The following SNTB1 variants were observed in gnomAD, a reference collection of about 807,000 sequenced individuals.
The protein encoded by SNTB1 is syntrophin beta 1, also known as beta-1-syntrophin.
Under a neutral mutation model 48.9 loss-of-function variants are expected in SNTB1, and 36 were observed. The ratio of observed to expected loss-of-function variants is 0.74; its 90% confidence interval spans 0.56 to 0.97. The LOEUF is 0.97. Ranked by LOEUF, SNTB1 falls within the 50% of genes least tolerant of loss-of-function variation. The probability of loss-of-function intolerance (pLI) is 0.00; values close to 1 mark genes in which losing one functional copy is unlikely to be tolerated. For missense variants in SNTB1, 786 were observed against 703.4 expected (o/e 1.12, Z -1.33); for synonymous variants, 299 against 294.6 (o/e 1.01, Z -0.15).
At chr8:120,677,986 G>T (rs1382941625) in intron 2 of SNTB1, among the ~76,000 whole-genome samples, 1 of 152,096 alleles carries the variant, frequency 6.6e-6, no homozygotes, top group Non-Finnish European at 1.5e-5. Context: ...CCGATTGTCT[G>T]AATGTTTAAT....
intron 2 of SNTB1, among the ~76,000 whole-genome samples, chr8:120,670,628 T>C (rs1325762920): frequency 6.6e-6 from 1 of 152,212 alleles, no homozygotes; most frequent in East Asian, 1.9e-4. Flanking sequence ...GCAAATATTA[T>C]AGCTTTGTAA....
chr8:120,759,129 C>T (rs1357932423), intron 1 of SNTB1, among the ~76,000 whole-genome samples: 6 of 152,106 alleles, frequency 3.9e-5, no homozygotes, highest in African/African-American at 1.4e-4. Flanking sequence ...TTAATAACAA[C>T]AAGGACTGAA....
At chr8:120,695,060 G>A (rs963187340) in intron 1 of SNTB1, among the ~76,000 whole-genome samples, 3 of 152,076 alleles carry the variant, frequency 2.0e-5, no homozygotes, top group Non-Finnish European at 2.9e-5. Flanking sequence ...GGTTAACAGG[G>A]CAACGAGATT....
In SNTB1 at chr8:120,632,578, C is replaced by A. The variant is rs1817002747; in HGVS notation, c.862G>T (p.Ala288Ser). The change falls in exon 3 of 7, where the codon GCA (alanine) becomes TCA (serine). Residue 288 changes from alanine to serine, a missense_variant. Transcript: ENST00000517992. ...TTGGAATGGATGGCACTGAACCATG[C>A]CTGGGCCGTGGCTGAGTCCTTGCTC... ...LRSKDSATAQ[A>S]WFSAIHSNVN... 4.3e-6 allele frequency: 7 copies of A among 1,614,114 alleles called. No individual in the cohort carries two copies. Among genetic ancestry groups the A allele is most frequent in the Non-Finnish European group, 5.9e-6 (7 of 1,180,016 alleles).
intron 3 of SNTB1, among the ~76,000 whole-genome samples, chr8:120,588,622 A>G (rs943424569): frequency 1.3e-5 from 2 of 152,046 alleles, no homozygotes; most frequent in Non-Finnish European, 2.9e-5. Context: ...TTTGCAACTC[A>G]GCTTAGTTAT....
chr8:120,647,012 T>G lies in SNTB1; in HGVS notation c.789-14361A>C, dbSNP rs1305736900. 2.6e-5 allele frequency among the ~76,000 whole-genome samples: 4 copies of G among 151,424 alleles called. No individual in the cohort carries two copies. In the East Asian group the frequency reaches 7.7e-4, roughly 29 times the overall value. On this transcript the variant is annotated intron_variant, in intron 2 of 6. Transcript: ENST00000517992. Reference sequence around the variant, plus strand: ...TATTTCTGTGGGATCGATGGTGATATCCCCTTTATCATTTTTTATTGCGTC... The same window carrying G: ...TATTTCTGTGGGATCGATGGTGATAGCCCCTTTATCATTTTTTATTGCGTC...
chr8:120,629,078 G>A (rs886574341), intron 3 of SNTB1, among the ~76,000 whole-genome samples: 2 of 152,166 alleles, frequency 1.3e-5, no homozygotes, highest in African/African-American at 4.8e-5. Context: ...CTTCACTTTA[G>A]ATCAGTCTCT....
chr8:120,701,625 A>G (rs1818310423), intron 1 of SNTB1, among the ~76,000 whole-genome samples: 1 of 152,256 alleles, frequency 6.6e-6, no homozygotes, highest in Non-Finnish European at 1.5e-5. Context: ...ATATAAGCCC[A>G]CATTGAGATT....
At position 120,656,568 on chromosome 8, in the gene SNTB1, G is replaced by T. The variant is rs547489717; in HGVS notation, c.789-23917C>A. ...TCAGCTGATTTAAAAAAATAATAAG[G>T]CATCTAAATAGACAAGGTGCTATGC... On this transcript the variant is annotated intron_variant, in intron 2 of 6. Coordinates refer to ENST00000517992, the MANE Select transcript of SNTB1 (RefSeq NM_021021.4). Among the ~76,000 whole-genome samples, 6 of 152,126 alleles carry T rather than the reference G, an allele frequency of 3.9e-5. No homozygotes were observed. The South Asian group carries it at 8.3e-4, about 21-fold the overall frequency.
intron 1 of SNTB1, among the ~76,000 whole-genome samples, chr8:120,795,970 G>C (rs1375444872): frequency 6.6e-6 from 1 of 151,958 alleles, no homozygotes; most frequent in Non-Finnish European, 1.5e-5. Context: ...ACTTTAACTT[G>C]ATGACATAGT....
At position 120,669,500 on chromosome 8, in the gene SNTB1, C is replaced by T. The variant is rs1231973966; in HGVS notation, c.788+24192G>A. ...TCGCTCTGTCGCCCAGGCCGGACTGCGGACTGCAGTGGCGCAATCTCGGCT... is the reference window on the plus strand; with the variant it reads ...TCGCTCTGTCGCCCAGGCCGGACTGTGGACTGCAGTGGCGCAATCTCGGCT... On this transcript the variant is annotated intron_variant, in intron 2 of 6. Coordinates refer to ENST00000517992, the MANE Select transcript of SNTB1 (RefSeq NM_021021.4). Among the ~76,000 whole-genome samples the T allele has an allele frequency of 8.8e-5, 3 of 34,118 alleles. 1 individual carries two copies. Among genetic ancestry groups the T allele is most frequent in the Non-Finnish European group, 1.4e-4 (3 of 21,544 alleles). The allele number at this position is 34,118 out of a possible 152,430, so 22.4% of individuals were successfully genotyped here. A position where few individuals can be genotyped will look rare whatever the true frequency, so the allele number is the denominator to read the frequency against.
At position 120,541,686 on chromosome 8, in the gene SNTB1, A is replaced by G. The variant is rs377691922; in HGVS notation, c.1524+124T>C. 768 of 593,958 alleles carry G rather than the reference A, an allele frequency of 1.3e-3. 6 individuals carry two copies. The African/African-American group carries it at 0.013, about 10-fold the overall frequency. The allele number at this position is 593,958 out of a possible 1,614,324, so 36.8% of individuals were successfully genotyped here. On this transcript the variant is annotated intron_variant, in intron 6 of 6. Coordinates refer to ENST00000517992, the MANE Select transcript of SNTB1 (RefSeq NM_021021.4). ...CTAATCACCGTTTTTCAAGGATCAA[A>G]TAAAACATGGGCTTGCAAGCACATC...
At chr8:120,591,408 G>C (rs750151028) in intron 3 of SNTB1, among the ~76,000 whole-genome samples, 1 of 152,018 alleles carries the variant, frequency 6.6e-6, no homozygotes, top group South Asian at 2.1e-4. Flanking sequence ...TAAGATCTAA[G>C]GGTCAAAGGT....
intron 3 of SNTB1, among the ~76,000 whole-genome samples, chr8:120,609,741 C>T (rs746000680): frequency 6.6e-6 from 1 of 152,116 alleles, no homozygotes; most frequent in Non-Finnish European, 1.5e-5. Context: ...TCTCTTTCTG[C>T]CTGAGAGGGG....
intron 1 of SNTB1, among the ~76,000 whole-genome samples, chr8:120,808,064 G>A (rs1234693257): frequency 6.6e-6 from 1 of 151,938 alleles, no homozygotes; most frequent in Non-Finnish European, 1.5e-5. Flanking sequence ...ACAGGCATGG[G>A]GCACGATGCC....
chr8:120,601,123 AT>A (rs1325291791), intron 3 of SNTB1, among the ~76,000 whole-genome samples: 1 of 152,054 alleles, frequency 6.6e-6, no homozygotes, highest in African/African-American at 2.4e-5. Flanking sequence ...GCTGCTGGGA[AT>A]CTGGATGGGT....
intron 2 of SNTB1, among the ~76,000 whole-genome samples, chr8:120,677,630 G>A (rs4607661): frequency 0.55 from 83,659 of 151,876 alleles, 25,738 homozygotes; most frequent in African/African-American, 0.85. Context: ...TTAAGTGGGA[G>A]ATTGGAGGAT....
chr8:120,693,052 G>A (rs1453619530), intron 2 of SNTB1, among the ~76,000 whole-genome samples: 2 of 152,132 alleles, frequency 1.3e-5, no homozygotes, highest in Admixed American at 1.3e-4. Flanking sequence ...GGGGCAGGGG[G>A]TGCCGACAAG....
chr8:120,706,805 G>C (rs1241894826), intron 1 of SNTB1, among the ~76,000 whole-genome samples: 1 of 152,104 alleles, frequency 6.6e-6, no homozygotes, highest in Non-Finnish European at 1.5e-5. Context: ...ATAACATCCT[G>C]CAAATCAAAC....
Sources: allele counts gnomAD v4.1 joint callset (sites outside exome capture counted in the v4.1 genomes callset), GRCh38; gene constraint gnomAD v4.1.1; transcripts MANE v1.5; gene names NCBI Gene and HGNC (gene_info 2026-07-23, HGNC 2026-07-21).